Variants in GEMIN5 observed in about 807,000 individuals in gnomAD.
GEMIN5 encodes gem-associated protein 5.
Under a neutral mutation model 176.9 loss-of-function variants are expected in GEMIN5, and 124 were observed. The observed-to-expected ratio is 0.70, with a 90% confidence interval of 0.61 to 0.81. The LOEUF (loss-of-function observed/expected upper bound fraction) is 0.81, where lower values mean the gene tolerates loss of function less well. Among genes scored for constraint, GEMIN5 ranks in the 40% least tolerant of loss-of-function variants. The probability of loss-of-function intolerance (pLI) is 0.00; values close to 1 mark genes in which losing one functional copy is unlikely to be tolerated. For synonymous variants in GEMIN5, 673 were observed against 665.2 expected, an observed-to-expected ratio of 1.01 and a Z score of -0.18; for missense variants, 1,843 against 1,814.6, an observed-to-expected ratio of 1.02 and a Z score of -0.28.
chr5:154,917,254 T>C (rs1189190554), intron 12 of GEMIN5, 75 bp from the exon 13 acceptor site: 2 of 744,254 alleles, frequency 2.7e-6, no homozygotes, highest in Non-Finnish European at 2.1e-6. Context: ...AGTAGCTCCC[T>C]CATTCCGTCA....
chr5:154,930,093 G>A (rs565173240), intron 5 of GEMIN5, among the ~76,000 whole-genome samples: 2 of 152,208 alleles, frequency 1.3e-5, no homozygotes, highest in South Asian at 2.1e-4. Context: ...GACTCATTCC[G>A]ATTACCTGCT....
chr5:154,928,380 A>G, intron 6 of GEMIN5, 147 bp downstream of exon 6: 1 of 700,326 alleles, frequency 1.4e-6, no homozygotes, highest in South Asian at 1.8e-5. Context: ...GTTAGTAGAT[A>G]GCACAGGCAT....
chr5:154,892,041 G>GA (rs1457155543), intron 25 of GEMIN5, among the ~76,000 whole-genome samples: 4 of 152,294 alleles, frequency 2.6e-5, no homozygotes, highest in African/African-American at 9.6e-5. Flanking sequence ...CTGTCTCTCT[G>GA]AAAAATCACA....
In GEMIN5 at chr5:154,932,183, C is replaced by T. The variant is rs1430222199; in HGVS notation, c.577G>A (p.Gly193Ser). ...ATGGAGTGGATTTCATCATCATGGC[C>T]TCGAAGCCTATGAATAACTTCTCCT... ...KKGEVIHRLR[G>S]HDDEIHSIAW... The change falls in exon 4 of 28, where the codon GGC becomes AGC. Residue 193 changes from glycine (G) to serine (S), a missense_variant. Gly to Ser is a moderately conservative substitution (Grantham distance 56). Transcript: ENST00000285873. The T allele has an allele frequency of 1.2e-6, 2 of 1,611,076 alleles. No individual in the cohort carries two copies. Among genetic ancestry groups the T allele is most frequent in the Non-Finnish European group, 8.5e-7 (1 of 1,177,232 alleles).
chr5:154,935,644 G>A (rs1402422441), intron 3 of GEMIN5, among the ~76,000 whole-genome samples, 197 bp downstream of exon 3: 2 of 152,124 alleles, frequency 1.3e-5, no homozygotes, highest in Non-Finnish European at 2.9e-5. Context: ...ACAGTACCAT[G>A]GAAACCAAGG....
chr5:154,936,357 CAGTGAG>C (rs1764269734), intron 2 of GEMIN5, among the ~76,000 whole-genome samples: 2 of 151,358 alleles, frequency 1.3e-5, no homozygotes, highest in Non-Finnish European at 2.9e-5. Context: ...GCGGAGCTTG[CAGTGAG>C]CCAAGATCCC....
In GEMIN5 at chr5:154,920,091, T is replaced by C. The variant is rs769941424; in HGVS notation, c.1475A>G (p.Asp492Gly). 1 of 1,610,774 alleles carries C rather than the reference T, an allele frequency of 6.2e-7. No homozygotes were observed. The highest frequency in any genetic ancestry group is 1.1e-5 in the South Asian group (1 of 90,310). The stretch of plus-strand genomic sequence containing the variant: ...GCTGTATAAAGCAAGGGAAGGTCTG[T>C]CTCCTTCTCCTCCTGTATGAAATAA... ...VPPMSLGGEG[D>G]RPSLALYSCG... Residue 492 changes from aspartate to glycine, a missense_variant, in exon 11 of 28, where the codon GAC becomes GGC. Physicochemically the swap from Asp to Gly is moderately conservative, Grantham distance 94 (BLOSUM62 -1). Coordinates refer to ENST00000285873, the MANE Select transcript of GEMIN5 (RefSeq NM_015465.5).
chr5:154,910,574 G>A (rs1763680412), intron 15 of GEMIN5, among the ~76,000 whole-genome samples: 1 of 152,234 alleles, frequency 6.6e-6, no homozygotes. Context: ...AAAGTGCTGG[G>A]AATACAGACA....
At chr5:154,913,090 A>G in intron 13 of GEMIN5, 52 bp from the exon 14 acceptor site, 1 of 1,460,420 alleles carries the variant, frequency 6.8e-7, no homozygotes, top group Non-Finnish European at 9.4e-7. Flanking sequence ...AACAAAAAAC[A>G]AAACAAAGTA....
At chr5:154,896,452 C>A (rs1763354532) in intron 23 of GEMIN5, 109 bp from the exon 24 acceptor site, 2 of 1,141,384 alleles carry the variant, frequency 1.8e-6, no homozygotes, top group Non-Finnish European at 2.4e-6. Context: ...CTGCAGCAAC[C>A]AAAGCACATT....
At chr5:154,903,910 T>C (rs1354684694) in intron 18 of GEMIN5, among the ~76,000 whole-genome samples, 1 of 152,158 alleles carries the variant, frequency 6.6e-6, no homozygotes, top group African/African-American at 2.4e-5. Flanking sequence ...GTGATCCTTC[T>C]GCTTCAGCCC....
chr5:154,913,044 A>C lies in GEMIN5; in HGVS notation c.1856-6T>G. The C allele has an allele frequency of 6.2e-7, 1 of 1,602,078 alleles. No individual in the cohort carries two copies. Among genetic ancestry groups the C allele is most frequent in the East Asian group, 2.2e-5 (1 of 44,458 alleles). On this transcript the variant is annotated splice_polypyrimidine_tract_variant and splice_region_variant and intron_variant, in intron 13 of 27. Coordinates refer to ENST00000285873, the MANE Select transcript of GEMIN5 (RefSeq NM_015465.5). ...TGGAGACTCAGGGCTGCTCTCTAAAAGGCAAAGGAAAGACATCACTGCTGC... is the reference window on the plus strand; with the variant it reads ...TGGAGACTCAGGGCTGCTCTCTAAACGGCAAAGGAAAGACATCACTGCTGC...
chr5:154,902,406 A>G (rs1049153605), intron 20 of GEMIN5, 133 bp downstream of exon 20: 8 of 782,850 alleles, frequency 1.0e-5, no homozygotes, highest in Non-Finnish European at 1.6e-5. Flanking sequence ...TAGTTTGTCT[A>G]TTGCTGTCTA....
chr5:154,936,007 A>C lies in GEMIN5; in HGVS notation c.343T>G (p.Leu115Val), dbSNP rs368181189. 47 of 1,602,330 alleles carry C rather than the reference A, an allele frequency of 2.9e-5. No homozygotes were observed. The highest frequency in any genetic ancestry group is 4.0e-5 in the African/African-American group (3 of 74,248). Reference protein sequence around the residue: ...HALHQHTISTLHWSPRVKDLI... With the variant: ...HALHQHTISTVHWSPRVKDLI... ...TCCTTTACTCGAGGAGACCAATGTA[A>C]TGTTGATATCGTATGCTTTAAAACA... The change falls in exon 3 of 28, where the codon TTA (leucine) becomes GTA (valine). Residue 115 changes from leucine (L) to valine (V), a missense_variant. Coordinates refer to ENST00000285873, the MANE Select transcript of GEMIN5 (RefSeq NM_015465.5).
At position 154,937,956 on chromosome 5, in the gene GEMIN5, G is replaced by A; in HGVS notation, c.166+12C>T. On this transcript the variant is annotated intron_variant, in intron 1 of 27. Transcript: ENST00000285873. ...AGGGCAGTAAGTCTCGGGCCCAAGG[G>A]TGGTGAGTTACCTCGAAACGGGGGT... The A allele has an allele frequency of 6.4e-7, 1 of 1,566,812 alleles. No individual in the cohort carries two copies. The highest frequency in any genetic ancestry group is 8.6e-7 in the Non-Finnish European group (1 of 1,159,042).
At chr5:154,902,713 A>G in intron 19 of GEMIN5, 37 bp from the exon 20 acceptor site, 1 of 1,606,084 alleles carries the variant, frequency 6.2e-7, no homozygotes, top group Non-Finnish European at 8.5e-7. Context: ...AAGGTGTTTC[A>G]GAAACATCTG....
At chr5:154,911,551 T>C (rs1763699570) in intron 15 of GEMIN5, among the ~76,000 whole-genome samples, 176 bp downstream of exon 15, 1 of 152,128 alleles carries the variant, frequency 6.6e-6, no homozygotes, top group African/African-American at 2.4e-5. Context: ...GTATGCTCTT[T>C]CCTATTGTGG....
Position 154,896,182 on chromosome 5 carries a change from G to A in GEMIN5, c.3507C>T (p.Ser1169=). ...CCTGATACTGCTCAGGGGTGTCAAG[G>A]CTGAAGATGCTCTTCCACACTGCAG... is the stretch of plus-strand genomic sequence containing the variant. ...RVTAVWKSIF[S]LDTPEQYQEA... is the part of the protein sequence containing the mutation. Residue 1169 remains serine, a synonymous_variant, in exon 24 of 28, where the codon AGC becomes AGT. Transcript: ENST00000285873. The A allele has an allele frequency of 6.2e-7, 1 of 1,614,008 alleles. No individual in the cohort carries two copies.
rs760101522 is a variant in GEMIN5, at chr5:154,917,028, T to C, written c.1825A>G (p.Ile609Val). The change falls in exon 13 of 28, where the codon ATT (isoleucine) becomes GTT (valine). Residue 609 changes from isoleucine to valine, a missense_variant. Physicochemically the swap from Ile to Val is conservative, Grantham distance 29. Transcript: ENST00000285873. The stretch of plus-strand genomic sequence containing the variant: ...ACAGTCTTCAGGTTGTGCACGTAAA[T>C]GACTGCATTGTTGGAGCCAGAGGCC... Reference protein sequence around the residue: ...LMASGSNNAVIYVHNLKTVIE... With the variant: ...LMASGSNNAVVYVHNLKTVIE... The C allele has an allele frequency of 6.3e-7, 1 of 1,597,344 alleles. No homozygotes were observed. Among genetic ancestry groups the C allele is most frequent in the Non-Finnish European group, 8.6e-7 (1 of 1,167,500 alleles).
Sources: allele counts gnomAD v4.1 joint callset (sites outside exome capture counted in the v4.1 genomes callset), GRCh38; gene constraint gnomAD v4.1.1; transcripts MANE v1.5; gene names NCBI Gene and HGNC (gene_info 2026-07-23, HGNC 2026-07-21).